The following ADAMTS2 variants were observed in gnomAD, a reference collection of about 807,000 sequenced individuals.
The protein encoded by ADAMTS2 is ADAM metallopeptidase with thrombospondin type 1 motif 2.
ADAMTS2 carries 50 observed loss-of-function variants against 123.0 expected under a neutral mutation model. The observed-to-expected ratio is 0.41, with a 90% CI of 0.32 to 0.51. The LOEUF (loss-of-function observed/expected upper bound fraction) is 0.51. Among genes scored for constraint, ADAMTS2 ranks in the 20% least tolerant of loss-of-function variants. ADAMTS2 has a pLI of 0.35. For missense variants in ADAMTS2, 1,494 were observed against 1,705.2 expected (o/e 0.88, Z 2.18); for synonymous variants, 678 against 695.4 (o/e 0.98, Z 0.39).
At position 179,175,954 on chromosome 5, in the gene ADAMTS2, C is replaced by T. The variant is rs949720307; in HGVS notation, c.975+5118G>A. Among the ~76,000 whole-genome samples, 5 of 152,052 alleles carry T rather than the reference C, an allele frequency of 3.3e-5. No homozygotes were observed. The highest frequency in any genetic ancestry group is 7.4e-5 in the Non-Finnish European group (5 of 68,008). On this transcript the variant is annotated intron_variant, in intron 5 of 21. Transcript: ENST00000251582. This position sits in a 1 kb window ranked among gnomAD's most constrained non-coding sequence, Gnocchi z 4.1. ...TCAGAGACCACCTGTACTGCTCGGA[C>T]TCTCGGAGGTACACCATGCACAGCT...
intron 3 of ADAMTS2, among the ~76,000 whole-genome samples, chr5:179,209,535 C>T (rs1391727524): frequency 6.8e-6 from 1 of 147,864 alleles, no homozygotes; most frequent in African/African-American, 2.5e-5. Flanking sequence ...CACACACACA[C>T]ATGCACACAC....
intron 2 of ADAMTS2, among the ~76,000 whole-genome samples, chr5:179,280,972 C>A (rs1766885395): frequency 6.6e-6 from 1 of 152,180 alleles, no homozygotes; most frequent in South Asian, 2.1e-4. Context: ...ATTCTCCTGC[C>A]TCAGCCTCCC....
At chr5:179,227,258 C>T (rs1213817190) in intron 3 of ADAMTS2, among the ~76,000 whole-genome samples, 1 of 152,204 alleles carries the variant, frequency 6.6e-6, no homozygotes, top group Non-Finnish European at 1.5e-5. Context: ...CAGCAATGAG[C>T]ATTTCATATG....
intron 2 of ADAMTS2, among the ~76,000 whole-genome samples, chr5:179,305,534 C>T (rs958933853): frequency 1.3e-5 from 2 of 152,054 alleles, no homozygotes; most frequent in African/African-American, 4.8e-5. Flanking sequence ...CAAAGATATA[C>T]AACCAAACAC....
Position 179,285,937 on chromosome 5 carries a change from G to A in ADAMTS2, c.535-12873C>T, listed in dbSNP as rs1296973878. 6.6e-6 allele frequency among the ~76,000 whole-genome samples: 1 copy of A among 152,162 alleles called. No individual in the cohort carries two copies. The highest frequency in any genetic ancestry group is 1.5e-5 in the Non-Finnish European group (1 of 68,034). ...CATTCAAGATCCTGCCAACAGGCCG[G>A]GCACGGTGGCTCACGCCTATAATCC... On this transcript the variant is annotated intron_variant, in intron 2 of 21. Coordinates refer to ENST00000251582, the MANE Select transcript of ADAMTS2 (RefSeq NM_014244.5). This position sits in a 1 kb window ranked among gnomAD's most constrained non-coding sequence, Gnocchi z 4.9.
At chr5:179,122,983 G>A (rs1351505220) in intron 19 of ADAMTS2, 4 of 682,708 alleles carry the variant, frequency 5.9e-6, no homozygotes, top group Non-Finnish European at 1.0e-5. Context: ...CCACATGCCT[G>A]TCTCTCTGAG....
chr5:179,160,449 T>C (rs1051949028), intron 5 of ADAMTS2, among the ~76,000 whole-genome samples: 1 of 152,164 alleles, frequency 6.6e-6, no homozygotes, highest in African/African-American at 2.4e-5. Flanking sequence ...AGACTCCGTC[T>C]CAAAACAAAA....
chr5:179,205,788 T>TATTATTTC, intron 4 of ADAMTS2, among the ~76,000 whole-genome samples: 1 of 151,226 alleles, frequency 6.6e-6, no homozygotes, highest in African/African-American at 2.4e-5. Flanking sequence ...ATTATTATTT[T>TATTATTTC]TGAGACGGAG....
At chr5:179,203,173 T>C (rs1764605646) in intron 4 of ADAMTS2, among the ~76,000 whole-genome samples, 1 of 152,188 alleles carries the variant, frequency 6.6e-6, no homozygotes, top group African/African-American at 2.4e-5. Flanking sequence ...AGAGCCTGCA[T>C]TCCCTGGGTC....
chr5:179,287,515 G>C (rs998100428), intron 2 of ADAMTS2, among the ~76,000 whole-genome samples: 1 of 152,228 alleles, frequency 6.6e-6, no homozygotes, highest in Non-Finnish European at 1.5e-5. Context: ...GCTGGCTAAG[G>C]CTCCCGTGTG....
At chr5:179,295,331 G>A (rs1756298443) in intron 2 of ADAMTS2, among the ~76,000 whole-genome samples, 2 of 152,168 alleles carry the variant, frequency 1.3e-5, no homozygotes, top group African/African-American at 4.8e-5. Flanking sequence ...GCTCTCCCTG[G>A]GTGAAGGGGG....
At chr5:179,339,702 T>A (rs1400329181) in intron 2 of ADAMTS2, among the ~76,000 whole-genome samples, 1 of 152,052 alleles carries the variant, frequency 6.6e-6, no homozygotes, top group Non-Finnish European at 1.5e-5. Context: ...CCTGACAACC[T>A]CTCATTGCGA....
rs1762991825 is a variant in ADAMTS2 at position 179,132,945 on chromosome 5, A to G, written c.2086-45T>C. 2 of 1,602,936 alleles carry G rather than the reference A, an allele frequency of 1.2e-6. No homozygotes were observed. Among genetic ancestry groups the G allele is most frequent in the Non-Finnish European group, 1.7e-6 (2 of 1,175,256 alleles). On this transcript the variant is annotated intron_variant, in intron 13 of 21. Coordinates refer to ENST00000251582, the MANE Select transcript of ADAMTS2 (RefSeq NM_014244.5). This position sits in a 1 kb window ranked among gnomAD's most constrained non-coding sequence, Gnocchi z 6.1. ...TGAGCACTTGAGACGTCCTGCTAGT[A>G]GAGTCAGGGTCATACTATGTTGCCC... is the stretch of plus-strand genomic sequence containing the variant.
At chr5:179,224,133 C>T (rs1765213865) in intron 3 of ADAMTS2, among the ~76,000 whole-genome samples, 2 of 152,184 alleles carry the variant, frequency 1.3e-5, no homozygotes, top group South Asian at 2.1e-4. Context: ...CGGTTTCCTT[C>T]CTGGCCGTCA....
At chr5:179,137,668 G>A (rs1025125562) in intron 12 of ADAMTS2, 101 bp downstream of exon 12, 40 of 1,473,124 alleles carry the variant, frequency 2.7e-5, no homozygotes, top group Non-Finnish European at 3.7e-5. Flanking sequence ...CCAGGGTCGC[G>A]GCAGCCTTGC....
At position 179,218,976 on chromosome 5, in the gene ADAMTS2, G is replaced by C. The variant is rs146112704; in HGVS notation, c.689-11261C>G. On this transcript the variant is annotated intron_variant, in intron 3 of 21. Transcript: ENST00000251582. ...AGAGCCACCTGGGGTTGCACAGCAC[G>C]GTGGCCTGCCCTGTCTGGCCATTAC... Among the ~76,000 whole-genome samples the C allele has an allele frequency of 3.5e-3, 537 of 152,250 alleles. 4 individuals are homozygous for C. The highest frequency in any genetic ancestry group is 8.0e-3 in the Admixed American group (122 of 15,302).
Position 179,121,662 on chromosome 5 carries a change from TG to T in ADAMTS2, c.3176del (p.Ser1059Ter). The stretch of plus-strand genomic sequence containing the variant: ...CAGAGTTATAAACGGGTCGGTTACT[TG>T]ACGAGATCTTCCGGATGGGCGAGTC... ...DPDSPIRKIS[S>X]KGHCQGDKSI... On this transcript the variant is annotated frameshift_variant and splice_region_variant, in exon 21 of 22. Transcript: ENST00000251582. LOFTEE classifies it high-confidence loss of function. 1 of 1,600,256 alleles carries T rather than the reference TG, an allele frequency of 6.2e-7. No individual in the cohort carries two copies. The highest frequency in any genetic ancestry group is 8.5e-7 in the Non-Finnish European group (1 of 1,173,080).
At chr5:179,275,253 G>C (rs999142986) in intron 2 of ADAMTS2, among the ~76,000 whole-genome samples, 1 of 152,152 alleles carries the variant, frequency 6.6e-6, no homozygotes, top group Non-Finnish European at 1.5e-5. Flanking sequence ...ACCTGGGAGA[G>C]GGGTAATGGT....
rs542592324 is a variant in ADAMTS2, at chr5:179,185,960, C to T, written c.892-4805G>A. ...CCGCAGCCAAGGCCCCCTCAGCCCTCCCTCCCTGGTAGCCTTCAACTGTGG... is the reference window on the plus strand; with the variant it reads ...CCGCAGCCAAGGCCCCCTCAGCCCTTCCTCCCTGGTAGCCTTCAACTGTGG... On this transcript the variant is annotated intron_variant, in intron 4 of 21. Coordinates refer to ENST00000251582, the MANE Select transcript of ADAMTS2 (RefSeq NM_014244.5). This position sits in a 1 kb window ranked among gnomAD's most constrained non-coding sequence, Gnocchi z 5.9. 5.3e-5 allele frequency among the ~76,000 whole-genome samples: 8 copies of T among 152,056 alleles called. No individual in the cohort carries two copies. The highest frequency in any genetic ancestry group is 1.0e-4 in the Non-Finnish European group (7 of 67,992).
Sources: gnomAD v4.1 joint callset for allele counts (sites outside exome capture counted in the v4.1 genomes callset) on GRCh38, gnomAD v4.1.1 for gene constraint, Gnocchi (gnomAD v3.1) non-coding constraint, MANE v1.5 for transcripts, NCBI Gene and HGNC (gene_info 2026-07-23, HGNC 2026-07-21) for gene names.